Variants in SLC24A3 observed in about 807,000 individuals in gnomAD.
SLC24A3 encodes the protein solute carrier family 24 member 3.
SLC24A3 carries 28 observed loss-of-function variants against 75.8 expected under a neutral mutation model. The observed-to-expected ratio is 0.37, with a 90% confidence interval of 0.27 to 0.51. The LOEUF is 0.51. Ranked by LOEUF, SLC24A3 falls within the 20% of genes least tolerant of loss-of-function variation. SLC24A3 has a pLI of 0.94. For synonymous variants in SLC24A3, 372 were observed against 334.1 expected, an observed-to-expected ratio of 1.11 and a Z score of -1.24; for missense variants, 663 against 847.8, an observed-to-expected ratio of 0.78 and a Z score of 2.71.
intron 2 of SLC24A3, among the ~76,000 whole-genome samples, chr20:19,303,224 T>C (rs1044972111): frequency 2.0e-4 from 31 of 152,178 alleles, no homozygotes; most frequent in African/African-American, 7.2e-4. Flanking sequence ...TGTGTTCTCA[T>C]TGTGTAACTC....
chr20:19,564,250 T>C (rs963679838), intron 3 of SLC24A3, among the ~76,000 whole-genome samples: 1 of 152,168 alleles, frequency 6.6e-6, no homozygotes, highest in African/African-American at 2.4e-5. Flanking sequence ...GATGAACCAG[T>C]AGAGGTCACG....
chr20:19,375,855 G>T (rs1465114328), intron 2 of SLC24A3, among the ~76,000 whole-genome samples: 1 of 152,174 alleles, frequency 6.6e-6, no homozygotes, highest in Admixed American at 6.5e-5. Flanking sequence ...AATTTCCTGA[G>T]AAATTTCTCT....
intron 6 of SLC24A3, among the ~76,000 whole-genome samples, chr20:19,621,817 C>T (rs1971283092): frequency 6.6e-6 from 1 of 152,196 alleles, no homozygotes; most frequent in Non-Finnish European, 1.5e-5. Flanking sequence ...GAACCCCTGG[C>T]TCCACCATTT....
chr20:19,536,871 T>C (rs1288267540), intron 3 of SLC24A3, among the ~76,000 whole-genome samples: 14 of 152,228 alleles, frequency 9.2e-5, no homozygotes, highest in African/African-American at 3.1e-4. Context: ...ATACAAAAAT[T>C]AATTCAAGAT....
At chr20:19,491,943 A>G (rs1002944580) in intron 2 of SLC24A3, among the ~76,000 whole-genome samples, 2 of 150,472 alleles carry the variant, frequency 1.3e-5, no homozygotes, top group Non-Finnish European at 2.9e-5. Context: ...CAGCAGTGTC[A>G]TTATTGCCCA....
chr20:19,362,540 T>C (rs1195197074), intron 2 of SLC24A3, among the ~76,000 whole-genome samples: 1 of 152,248 alleles, frequency 6.6e-6, no homozygotes, highest in East Asian at 1.9e-4. Flanking sequence ...GATGGTGTTC[T>C]CGGCTTCAGT....
intron 6 of SLC24A3, among the ~76,000 whole-genome samples, chr20:19,629,376 G>C (rs2031907481): frequency 6.6e-6 from 1 of 152,010 alleles, no homozygotes; most frequent in Admixed American, 6.6e-5. Flanking sequence ...AAAACAAAAA[G>C]GATGAAGAAA....
At chr20:19,379,467 G>A (rs923149308) in intron 2 of SLC24A3, among the ~76,000 whole-genome samples, 1 of 152,142 alleles carries the variant, frequency 6.6e-6, no homozygotes, top group East Asian at 1.9e-4. Flanking sequence ...GAATGAGGGG[G>A]TTTGATAAGC....
At chr20:19,671,400 G>A (rs1388800431) in intron 8 of SLC24A3, among the ~76,000 whole-genome samples, 2 of 152,172 alleles carry the variant, frequency 1.3e-5, no homozygotes, top group Non-Finnish European at 2.9e-5. Flanking sequence ...ATTTTAAGAA[G>A]TGCATTGACA....
intron 2 of SLC24A3, among the ~76,000 whole-genome samples, chr20:19,408,609 C>T (rs926582842): frequency 3.9e-5 from 6 of 152,014 alleles, no homozygotes; most frequent in Non-Finnish European, 4.4e-5. Flanking sequence ...AAGCTGGTCT[C>T]GAACTTCTGG....
intron 2 of SLC24A3, among the ~76,000 whole-genome samples, chr20:19,461,520 CT>C (rs1292561021): frequency 1.5e-5 from 2 of 129,370 alleles, no homozygotes; most frequent in Admixed American, 8.1e-5. Context: ...CTTTTCTTTT[CT>C]TTTTTTTCTT....
intron 3 of SLC24A3, among the ~76,000 whole-genome samples, chr20:19,528,839 A>G (rs2030244177): frequency 6.6e-6 from 1 of 152,204 alleles, no homozygotes; most frequent in Non-Finnish European, 1.5e-5. Flanking sequence ...TAGCATCAGA[A>G]GCTTTCATGG....
intron 6 of SLC24A3, among the ~76,000 whole-genome samples, chr20:19,638,832 G>C (rs568071528): frequency 2.0e-5 from 3 of 152,272 alleles, no homozygotes; most frequent in African/African-American, 7.2e-5. Flanking sequence ...GGCACGTCTG[G>C]AGTTGTTCGT....
chr20:19,415,267 A>G (rs1417717615), intron 2 of SLC24A3, among the ~76,000 whole-genome samples: 1 of 152,210 alleles, frequency 6.6e-6, no homozygotes, highest in Non-Finnish European at 1.5e-5. Context: ...CTGCATGTTC[A>G]TTGTAGAATA....
intron 2 of SLC24A3, among the ~76,000 whole-genome samples, chr20:19,482,642 G>T (rs1482349495): frequency 6.6e-6 from 1 of 152,240 alleles, no homozygotes; most frequent in African/African-American, 2.4e-5. Flanking sequence ...ATGAGTGAAT[G>T]ATTCAATGAA....
chr20:19,360,229 G>T (rs1985761862), intron 2 of SLC24A3, among the ~76,000 whole-genome samples: 1 of 152,234 alleles, frequency 6.6e-6, no homozygotes, highest in African/African-American at 2.4e-5. Context: ...AGACACGAAT[G>T]AGAAGGTCTT....
chr20:19,601,898 C>A (rs952437306), intron 6 of SLC24A3, among the ~76,000 whole-genome samples: 1 of 152,184 alleles, frequency 6.6e-6, no homozygotes, highest in African/African-American at 2.4e-5. Context: ...ATTGGCCAAG[C>A]ACGGTGGCTC....
intron 2 of SLC24A3, among the ~76,000 whole-genome samples, chr20:19,404,755 C>T (rs1009420873): frequency 6.6e-6 from 1 of 152,212 alleles, no homozygotes; most frequent in Non-Finnish European, 1.5e-5. Flanking sequence ...ATGATGCATG[C>T]AGCTCCTCAC....
At chr20:19,617,488 T>A (rs1302770875) in intron 6 of SLC24A3, among the ~76,000 whole-genome samples, 5 of 152,138 alleles carry the variant, frequency 3.3e-5, no homozygotes, top group African/African-American at 7.2e-5. Flanking sequence ...CTTTGAGGTG[T>A]CCATTGGAGC....
Sources: gnomAD v4.1 joint callset for allele counts (sites outside exome capture counted in the v4.1 genomes callset) on GRCh38, gnomAD v4.1.1 for gene constraint, MANE v1.5 for transcripts, NCBI Gene and HGNC (gene_info 2026-07-23, HGNC 2026-07-21) for gene names.